HDAC9: variants seen among roughly 807,000 people sequenced by gnomAD.
The protein encoded by HDAC9 is histone deacetylase 9.
A neutral mutation model predicts 139.4 loss-of-function variants in HDAC9; 41 were observed. The ratio of observed to expected loss-of-function variants is 0.29; its 90% CI spans 0.23 to 0.38. HDAC9 has a LOEUF of 0.38. Ranked by LOEUF, HDAC9 falls within the 10% of genes least tolerant of loss-of-function variation. The pLI is 1.00. For synonymous variants in HDAC9, 517 were observed against 476.2 expected (o/e 1.09, Z -1.12); for missense variants, 1,147 against 1,297.0 (o/e 0.88, Z 1.78).
In HDAC9 at chr7:18,793,522, G is replaced by A. The variant is rs1792513396; in HGVS notation, c.2322+70G>A. ...CTGAAACAGAGATGTTGTTATGTGG[G>A]AATTGCGGGGAGTGTGGCGTGGTAA... On this transcript the variant is annotated intron_variant, in intron 17 of 25. Transcript: ENST00000686413. 2.0e-5 allele frequency: 20 copies of A among 988,952 alleles called. No individual in the cohort carries two copies. The South Asian group carries it at 2.5e-4, about 12-fold the overall frequency. The allele number at this position is 988,952 out of a possible 1,614,324, so 61.3% of individuals were successfully genotyped here. A position where few individuals can be genotyped will look rare whatever the true frequency, so the allele number is the denominator to read the frequency against.
intron 1 of HDAC9, among the ~76,000 whole-genome samples, chr7:18,472,125 T>C (rs1326096450): frequency 6.6e-6 from 1 of 152,242 alleles, no homozygotes; most frequent in Non-Finnish European, 1.5e-5. Flanking sequence ...TAGCTGCCTT[T>C]AGCTGGAAGA....
chr7:18,834,883 G>A (rs1796122324), intron 19 of HDAC9, among the ~76,000 whole-genome samples: 1 of 152,166 alleles, frequency 6.6e-6, no homozygotes, highest in Non-Finnish European at 1.5e-5. Flanking sequence ...CCTTAATGGT[G>A]GGACTTGGCA....
chr7:18,707,321 G>A (rs1299920855), intron 12 of HDAC9, among the ~76,000 whole-genome samples: 5 of 152,206 alleles, frequency 3.3e-5, no homozygotes, highest in African/African-American at 1.2e-4. Flanking sequence ...AGTGAAGGAA[G>A]TCTTAGAAGT....
intron 1 of HDAC9, among the ~76,000 whole-genome samples, chr7:18,290,867 C>G (rs1365073016): frequency 6.6e-6 from 1 of 152,186 alleles, no homozygotes. Flanking sequence ...GCATTATCTA[C>G]TGAAGCTGAA....
chr7:18,762,636 C>A (rs989253731), intron 15 of HDAC9, among the ~76,000 whole-genome samples: 1 of 152,094 alleles, frequency 6.6e-6, no homozygotes, highest in African/African-American at 2.4e-5. Flanking sequence ...TTCACCGTTC[C>A]CATTTTTTTG....
chr7:18,663,846 C>T (rs1431364035), intron 11 of HDAC9, among the ~76,000 whole-genome samples: 8 of 152,120 alleles, frequency 5.3e-5, no homozygotes, highest in East Asian at 1.9e-4. Context: ...CCCACAAGCT[C>T]CCCTCACCTG....
chr7:18,137,721 G>T (rs2128106984), intron 1 of HDAC9, among the ~76,000 whole-genome samples: 1 of 152,096 alleles, frequency 6.6e-6, no homozygotes. Flanking sequence ...ATTTTATTGA[G>T]AATTTTTGCA....
chr7:18,836,830 G>T (rs1796271310), intron 21 of HDAC9, among the ~76,000 whole-genome samples: 1 of 151,746 alleles, frequency 6.6e-6, no homozygotes, highest in South Asian at 2.1e-4. Flanking sequence ...TTAGCCTATT[G>T]GTAATGCATA....
intron 22 of HDAC9, among the ~76,000 whole-genome samples, chr7:18,883,582 TACTC>T (rs1199684185): frequency 1.3e-5 from 2 of 152,070 alleles, no homozygotes; most frequent in African/African-American, 4.8e-5. Flanking sequence ...AAATACATCA[TACTC>T]AATGGTGAAA....
intron 17 of HDAC9, among the ~76,000 whole-genome samples, chr7:18,801,982 A>G (rs1793334652): frequency 6.6e-6 from 1 of 151,888 alleles, no homozygotes; most frequent in Non-Finnish European, 1.5e-5. Flanking sequence ...CAGAAGTTTG[A>G]CAATTCTCTA....
At chr7:18,254,953 T>C (rs1448868007) in intron 2 of HDAC9, among the ~76,000 whole-genome samples, 1 of 152,222 alleles carries the variant, frequency 6.6e-6, no homozygotes, top group Admixed American at 6.5e-5. Flanking sequence ...TGATATGTTT[T>C]ATAAAATTAT....
At chr7:18,910,509 CTTT>C (rs1585289632) in intron 22 of HDAC9, among the ~76,000 whole-genome samples, 2 of 152,040 alleles carry the variant, frequency 1.3e-5, no homozygotes, top group East Asian at 3.9e-4. Context: ...TGACTTTCTC[CTTT>C]CCCATGTGAA....
chr7:18,597,417 CTT>C (rs1832800087), intron 6 of HDAC9, among the ~76,000 whole-genome samples: 1 of 152,084 alleles, frequency 6.6e-6, no homozygotes, highest in South Asian at 2.1e-4. Flanking sequence ...TTTTACTAAA[CTT>C]ATACTTTGGC....
chr7:18,188,884 C>T (rs1246340981), intron 2 of HDAC9, among the ~76,000 whole-genome samples: 1 of 152,120 alleles, frequency 6.6e-6, no homozygotes, highest in Non-Finnish European at 1.5e-5. Flanking sequence ...AATGCTTTTA[C>T]ACTGTTGGTG....
At chr7:18,929,405 C>G (rs1804527255) in intron 22 of HDAC9, among the ~76,000 whole-genome samples, 1 of 152,070 alleles carries the variant, frequency 6.6e-6, no homozygotes, top group Admixed American at 6.5e-5. Context: ...TTCTAATTCT[C>G]TTTCTCAGTG....
intron 25 of HDAC9, among the ~76,000 whole-genome samples, chr7:18,979,963 A>T (rs1418507628): frequency 6.6e-6 from 1 of 152,212 alleles, no homozygotes; most frequent in East Asian, 1.9e-4. Context: ...AGGAACATTT[A>T]TCCAAACTAT....
chr7:18,738,265 G>A (rs934122189), intron 13 of HDAC9, among the ~76,000 whole-genome samples: 45 of 151,628 alleles, frequency 3.0e-4, no homozygotes, highest in African/African-American at 1.1e-3. Context: ...TTAAATTTAA[G>A]GTTAATATTG....
At chr7:18,098,861 G>C (rs1241140845) in intron 1 of HDAC9, among the ~76,000 whole-genome samples, 1 of 152,156 alleles carries the variant, frequency 6.6e-6, no homozygotes, top group Non-Finnish European at 1.5e-5. Context: ...CCCCGGTTGA[G>C]CTTTTATCTT....
chr7:18,508,238 G>A (rs1332511776), intron 2 of HDAC9, among the ~76,000 whole-genome samples: 1 of 152,182 alleles, frequency 6.6e-6, no homozygotes, highest in Non-Finnish European at 1.5e-5. Flanking sequence ...AGGGTAGCTA[G>A]GGTAGTTAAG....
Sources: allele counts gnomAD v4.1 joint callset (sites outside exome capture counted in the v4.1 genomes callset), GRCh38; gene constraint gnomAD v4.1.1; transcripts MANE v1.5; gene names NCBI Gene and HGNC (gene_info 2026-07-23, HGNC 2026-07-21).